The following JMJD1C variants were observed in gnomAD, a reference collection of about 807,000 sequenced individuals.
The protein encoded by JMJD1C is jumonji domain-containing protein 1C.
A neutral mutation model predicts 245.3 loss-of-function variants in JMJD1C; 31 were observed. The observed-to-expected ratio is 0.13, with a 90% confidence interval of 0.09 to 0.17. The LOEUF is 0.17. JMJD1C is among the 10% of genes least tolerant of loss of function. JMJD1C has a pLI of 1.00. For missense variants in JMJD1C, 2,691 were observed against 3,000.2 expected (o/e 0.90, Z 2.41); for synonymous variants, 1,057 against 1,017.4 (o/e 1.04, Z -0.74).
chr10:63,276,467 A>G (rs917366104), intron 2 of JMJD1C, among the ~76,000 whole-genome samples: 9 of 38,860 alleles, frequency 2.3e-4, no homozygotes, highest in African/African-American at 7.8e-4. Flanking sequence ...TTCCGTCTCA[A>G]AAAAAAAAAA....
chr10:63,377,928 A>C (rs1332387496), intron 2 of JMJD1C, among the ~76,000 whole-genome samples: 1 of 150,672 alleles, frequency 6.6e-6, no homozygotes, highest in African/African-American at 2.4e-5. Context: ...TGGCAAAAAA[A>C]AAAAAGGAAC....
rs1436754152 is a variant in JMJD1C, at chr10:63,206,589, A to T, written c.5074+6T>A. On this transcript the variant is annotated splice_donor_region_variant and intron_variant, in intron 10 of 25. Transcript: ENST00000399262. ...TACCTGAGATAAAACAAAGTAACTG[A>T]CTTACTATTACTGTTGCTTTGCAAC... The T allele has an allele frequency of 6.4e-7, 1 of 1,567,422 alleles. No individual in the cohort carries two copies. Among genetic ancestry groups the T allele is most frequent in the Non-Finnish European group, 8.6e-7 (1 of 1,160,778 alleles).
intron 3 of JMJD1C, among the ~76,000 whole-genome samples, chr10:63,248,131 G>C (rs1356998408): frequency 2.6e-5 from 4 of 151,830 alleles, no homozygotes; most frequent in Non-Finnish European, 4.4e-5. Context: ...GGACGCTGAA[G>C]CAGTATATTT....
rs770835537 is a variant in JMJD1C, at chr10:63,207,597, T to C, written c.4072A>G (p.Asn1358Asp). The C allele has an allele frequency of 1.2e-6, 2 of 1,614,182 alleles. No individual in the cohort carries two copies. Among genetic ancestry groups the C allele is most frequent in the Non-Finnish European group, 1.7e-6 (2 of 1,180,020 alleles). Residue 1358 changes from asparagine to aspartate, a missense_variant, in exon 10 of 26, where the codon AAT (asparagine) becomes GAT (aspartate). Transcript: ENST00000399262. Reference protein sequence around the residue: ...AGETGRIILPNVNSDSVHTKS... With the variant: ...AGETGRIILPDVNSDSVHTKS... Reference sequence around the variant, plus strand: ...GTGTGAACACTGTCTGAATTCACATTTGGCAAAATGATTCTTCCAGTTTCT... The same window carrying C: ...GTGTGAACACTGTCTGAATTCACATCTGGCAAAATGATTCTTCCAGTTTCT...
At chr10:63,259,780 T>TCA (rs1487862330) in intron 3 of JMJD1C, among the ~76,000 whole-genome samples, 1 of 152,234 alleles carries the variant, frequency 6.6e-6, no homozygotes, top group Non-Finnish European at 1.5e-5. Flanking sequence ...AACCAGCAAT[T>TCA]CACAGCACAA....
At chr10:63,295,579 T>C (rs1273062783) in intron 2 of JMJD1C, among the ~76,000 whole-genome samples, 1 of 152,118 alleles carries the variant, frequency 6.6e-6, no homozygotes, top group Admixed American at 6.6e-5. Flanking sequence ...ATTAACTAGA[T>C]TTTGAATTGT....
rs142279077 is a variant in JMJD1C, at chr10:63,289,427, G to C, written c.334-24663C>G. On this transcript the variant is annotated intron_variant, in intron 2 of 25. Coordinates refer to ENST00000399262, the MANE Select transcript of JMJD1C (RefSeq NM_032776.3). ...TCTGAAATGAATGAAATAAAAAAAT[G>C]TAAATTTGTGGATGGAAATATCAAC... Among the ~76,000 whole-genome samples the C allele has an allele frequency of 3.9e-4, 59 of 152,244 alleles. No individual in the cohort carries two copies. The East Asian group carries it at 9.1e-3, about 23-fold the overall frequency.
At chr10:63,228,319 T>C (rs1304503348) in intron 3 of JMJD1C, among the ~76,000 whole-genome samples, 3 of 152,206 alleles carry the variant, frequency 2.0e-5, no homozygotes, top group Admixed American at 6.5e-5. Flanking sequence ...TTAGGTGTTA[T>C]GACATATTCT....
intron 2 of JMJD1C, among the ~76,000 whole-genome samples, chr10:63,353,037 G>T (rs1392380085): frequency 6.6e-6 from 1 of 152,166 alleles, no homozygotes; most frequent in Admixed American, 6.5e-5. Flanking sequence ...AGGAGAGACT[G>T]ATGGTCATCA....
At chr10:63,487,841 GAGA>G (rs1954046659) in intron 1 of JMJD1C, among the ~76,000 whole-genome samples, 1 of 152,240 alleles carries the variant, frequency 6.6e-6, no homozygotes. Context: ...CTGAGTGACA[GAGA>G]AGAAACTATC....
rs1353101867 is a variant in JMJD1C, at chr10:63,427,737, T to C, written c.168+37758A>G. The C allele has an allele frequency of 2.9e-6, 4 of 1,379,532 alleles. No individual in the cohort carries two copies. In the Admixed American group the frequency reaches 5.1e-5, roughly 17 times the overall value. The allele number at this position is 1,379,532 out of a possible 1,614,324, so 85.5% of individuals were successfully genotyped here. ...TCTCCAGAAGTGTCCAGGAATTTGGTCTTGCCCAGTTCAAAAGCAACGTGA... is the reference window on the plus strand; with the variant it reads ...TCTCCAGAAGTGTCCAGGAATTTGGCCTTGCCCAGTTCAAAAGCAACGTGA... On this transcript the variant is annotated intron_variant, in intron 1 of 25. Transcript: ENST00000399262.
Position 63,168,438 on chromosome 10 carries a change from T to C in JMJD1C, c.7530A>G (p.Leu2510=). 9 of 1,605,908 alleles carry C rather than the reference T, an allele frequency of 5.6e-6. No individual in the cohort carries two copies. Among genetic ancestry groups the C allele is most frequent in the Non-Finnish European group, 7.6e-6 (9 of 1,177,376 alleles). The change falls in exon 25 of 26, where the codon CTA becomes CTG. Residue 2510 remains leucine, a synonymous_variant. Coordinates refer to ENST00000399262, the MANE Select transcript of JMJD1C (RefSeq NM_032776.3). ...ACCTAGAACACCCAACTCTTACCTG[T>C]AGTTTATCATCATAATTGATTTCTT... ...LKEEINYDDK[L]QVKNILYHAV... is the part of the protein sequence containing the mutation.
At chr10:63,390,560 CA>C (rs957176067) in intron 1 of JMJD1C, among the ~76,000 whole-genome samples, 2 of 125,140 alleles carry the variant, frequency 1.6e-5, no homozygotes, top group Admixed American at 8.2e-5. Context: ...ATACCAAAAC[CA>C]GACAAGAATG....
chr10:63,175,159 T>C (rs902163044), intron 24 of JMJD1C, among the ~76,000 whole-genome samples: 6 of 152,206 alleles, frequency 3.9e-5, no homozygotes, highest in African/African-American at 1.2e-4. Flanking sequence ...GTCTCTTAAA[T>C]AGGCTCTTCT....
At chr10:63,212,324 G>A (rs1427682200) in intron 8 of JMJD1C, among the ~76,000 whole-genome samples, 1 of 152,116 alleles carries the variant, frequency 6.6e-6, no homozygotes, top group Non-Finnish European at 1.5e-5. Context: ...GTATGTATGT[G>A]TTTTTTAACC....
chr10:63,486,165 AAAAC>A lies in JMJD1C; in HGVS notation n.113+35569_113+35572del, dbSNP rs1390965347. Among the ~76,000 whole-genome samples the A allele has an allele frequency of 9.4e-4, 40 of 42,778 alleles. 3 individuals carry two copies. Among genetic ancestry groups the A allele is most frequent in the African/African-American group, 2.5e-3 (35 of 14,248 alleles). 28.1% of individuals were successfully genotyped at this position (42,778 alleles called of 152,430 possible). Reference sequence around the variant, plus strand: ...AAAAAAAAAAAAAAAAAAAAAAAAAAAAACAAAAAACAGAAAACTTGAGAGAGCA... The same window carrying A: ...AAAAAAAAAAAAAAAAAAAAAAAAAAAAAAAACAGAAAACTTGAGAGAGCA... On this transcript the variant is annotated intron_variant and non_coding_transcript_variant, in intron 1 of 3. Transcript: ENST00000633035.
chr10:63,296,003 G>GTGTGTATA (rs1285499198), intron 2 of JMJD1C, among the ~76,000 whole-genome samples: 19 of 95,716 alleles, frequency 2.0e-4, no homozygotes, highest in African/African-American at 6.2e-4. Context: ...GTGTGTGTGT[G>GTGTGTATA]TATATATATA....
chr10:63,392,055 T>C (rs75975544), intron 1 of JMJD1C, among the ~76,000 whole-genome samples: 2,029 of 152,286 alleles, frequency 0.013, 32 homozygotes, highest in African/African-American at 0.034. Context: ...CAGTTACAAT[T>C]TTGCAAACAC....
chr10:63,247,151 T>A (rs1035635190), intron 3 of JMJD1C, among the ~76,000 whole-genome samples: 10 of 147,538 alleles, frequency 6.8e-5, no homozygotes, highest in East Asian at 6.0e-4. Context: ...AAGAAAATTT[T>A]AAAAAAATGA....
Sources: allele counts gnomAD v4.1 joint callset (sites outside exome capture counted in the v4.1 genomes callset), GRCh38; gene constraint gnomAD v4.1.1; transcripts MANE v1.5; gene names NCBI Gene and HGNC (gene_info 2026-07-23, HGNC 2026-07-21).